The following ELOVL7 variants were observed in gnomAD, a reference collection of about 807,000 sequenced individuals.
ELOVL7 encodes the protein very long chain fatty acid elongase 7.
ELOVL7 carries 27 observed loss-of-function variants against 35.7 expected under a neutral mutation model. That is an observed-to-expected ratio of 0.76 (90% CI 0.56 to 1.04). ELOVL7 has a LOEUF of 1.04. Among genes scored for constraint, ELOVL7 ranks in the 50% least tolerant of loss-of-function variants. The probability of loss-of-function intolerance (pLI) is 0.00; values close to 1 mark genes in which losing one functional copy is unlikely to be tolerated. For synonymous variants in ELOVL7, 113 were observed against 114.6 expected, an observed-to-expected ratio of 0.99 and a Z score of 0.09; for missense variants, 327 against 340.8, an observed-to-expected ratio of 0.96 and a Z score of 0.32.
chr5:60,763,703 A>T (rs1472901875), intron 7 of ELOVL7, among the ~76,000 whole-genome samples: 1 of 152,176 alleles, frequency 6.6e-6, no homozygotes, highest in African/African-American at 2.4e-5. Flanking sequence ...CAGTATCAAC[A>T]CATTCTTTAA....
At chr5:60,832,528 G>T (rs753540350) in intron 1 of ELOVL7, among the ~76,000 whole-genome samples, 2 of 152,144 alleles carry the variant, frequency 1.3e-5, no homozygotes, top group Non-Finnish European at 2.9e-5. Context: ...ACCACACCTA[G>T]CTAATTTTTG....
Position 60,807,992 on chromosome 5 carries a change from CAAAAAAAAAAA to C in ELOVL7, c.-85-8773_-85-8763del, listed in dbSNP as rs34086506. 3.1e-4 allele frequency among the ~76,000 whole-genome samples: 13 copies of C among 42,412 alleles called. No individual in the cohort carries two copies. In the Admixed American group the frequency reaches 4.8e-3, roughly 16 times the overall value. 27.8% of individuals were successfully genotyped at this position (42,412 alleles called of 152,430 possible). On this transcript the variant is annotated intron_variant, in intron 1 of 8. Transcript: ENST00000508821. The stretch of plus-strand genomic sequence containing the variant: ...CCAGCCTGGGCGTGAGACTCCGTCT[CAAAAAAAAAAA>C]AAAAAAAAAAAAAAAAAAGAATAAA...
intron 7 of ELOVL7, among the ~76,000 whole-genome samples, chr5:60,760,443 A>C (rs1219478579): frequency 2.0e-5 from 3 of 152,162 alleles, no homozygotes; most frequent in Non-Finnish European, 4.4e-5. Flanking sequence ...TCTTCTTTTG[A>C]GAAGTGTCTG....
chr5:60,835,497 G>A (rs1039312683), intron 1 of ELOVL7, among the ~76,000 whole-genome samples: 2 of 151,698 alleles, frequency 1.3e-5, no homozygotes, highest in African/African-American at 2.4e-5. Context: ...CTACAGCCTC[G>A]ACCTCCTGGA....
chr5:60,766,539 C>G, intron 6 of ELOVL7, 35 bp downstream of exon 6: 1 of 1,532,946 alleles, frequency 6.5e-7, no homozygotes, highest in South Asian at 1.2e-5. Context: ...CATTTAAGAT[C>G]AAACATTTAC....
chr5:60,838,054 G>A (rs746335751), intron 1 of ELOVL7, among the ~76,000 whole-genome samples: 4 of 152,176 alleles, frequency 2.6e-5, no homozygotes, highest in African/African-American at 4.8e-5. Context: ...AATGGCAAGC[G>A]CCAGAGAGAT....
intron 2 of ELOVL7, among the ~76,000 whole-genome samples, chr5:60,798,511 C>A (rs1744400423): frequency 6.6e-6 from 1 of 152,020 alleles, no homozygotes; most frequent in African/African-American, 2.4e-5. Context: ...AGTTTTCTAC[C>A]ACCTCAAGGA....
At chr5:60,792,872 CA>C (rs1394315013) in intron 2 of ELOVL7, among the ~76,000 whole-genome samples, 1 of 152,156 alleles carries the variant, frequency 6.6e-6, no homozygotes. Flanking sequence ...GACTATTGAG[CA>C]CAAGAGAACT....
chr5:60,829,648 A>G (rs1746369848), intron 1 of ELOVL7, among the ~76,000 whole-genome samples: 1 of 152,208 alleles, frequency 6.6e-6, no homozygotes, highest in Non-Finnish European at 1.5e-5. Flanking sequence ...AGAGAAGAAG[A>G]TAATTCTGGA....
intron 1 of ELOVL7, among the ~76,000 whole-genome samples, chr5:60,809,303 T>C (rs1299756946): frequency 1.3e-5 from 2 of 152,192 alleles, no homozygotes; most frequent in Admixed American, 6.5e-5. Flanking sequence ...ACTAGCTAAA[T>C]TTATAAACTT....
chr5:60,830,678 A>G (rs1349867581), intron 1 of ELOVL7, among the ~76,000 whole-genome samples: 1 of 151,686 alleles, frequency 6.6e-6, no homozygotes, highest in Non-Finnish European at 1.5e-5. Flanking sequence ...AATACAAATA[A>G]CTTAAAATTT....
chr5:60,757,381 G>T, intron 8 of ELOVL7, 128 bp downstream of exon 8: 1 of 836,934 alleles, frequency 1.2e-6, no homozygotes, highest in African/African-American at 1.7e-5. Flanking sequence ...GGCATATCAT[G>T]TAGGGGCCAG....
intron 3 of ELOVL7, among the ~76,000 whole-genome samples, chr5:60,784,882 G>A (rs992471323): frequency 6.6e-6 from 1 of 152,146 alleles, no homozygotes; most frequent in Non-Finnish European, 1.5e-5. Context: ...CAATTTTTAA[G>A]TATATGCTAT....
intron 3 of ELOVL7, among the ~76,000 whole-genome samples, chr5:60,774,425 A>G (rs975491879): frequency 1.3e-5 from 2 of 152,244 alleles, no homozygotes; most frequent in African/African-American, 4.8e-5. Context: ...AGATGCAGAA[A>G]AAGTTTTCAA....
chr5:60,793,308 C>CA (rs1174605175), intron 2 of ELOVL7, among the ~76,000 whole-genome samples: 2 of 152,062 alleles, frequency 1.3e-5, no homozygotes, highest in African/African-American at 2.4e-5. Flanking sequence ...AATACTGCTA[C>CA]AGTTTTTTTT....
At chr5:60,800,183 AG>A (rs1354060974) in intron 1 of ELOVL7, among the ~76,000 whole-genome samples, 1 of 152,200 alleles carries the variant, frequency 6.6e-6, no homozygotes, top group East Asian at 1.9e-4. Context: ...CTACAAAAAA[AG>A]AAAACTTCAG....
intron 3 of ELOVL7, among the ~76,000 whole-genome samples, chr5:60,784,548 C>T (rs1334149412): frequency 6.6e-6 from 1 of 152,144 alleles, no homozygotes; most frequent in Non-Finnish European, 1.5e-5. Context: ...CTATGCATGA[C>T]CACTACTTCT....
At chr5:60,785,188 A>G (rs1378147402) in intron 3 of ELOVL7, among the ~76,000 whole-genome samples, 1 of 152,068 alleles carries the variant, frequency 6.6e-6, no homozygotes, top group East Asian at 1.9e-4. Context: ...AACTTCAAAT[A>G]CAAGTATTCC....
At chr5:60,766,444 A>G (rs1335865210) in intron 6 of ELOVL7, 130 bp downstream of exon 6, 1 of 699,580 alleles carries the variant, frequency 1.4e-6, no homozygotes, top group East Asian at 2.6e-5. Flanking sequence ...GTCTGCCTGA[A>G]TAGGAGAAAT....
Sources: gnomAD v4.1 joint callset for allele counts (sites outside exome capture counted in the v4.1 genomes callset) on GRCh38, gnomAD v4.1.1 for gene constraint, MANE v1.5 for transcripts, NCBI Gene and HGNC (gene_info 2026-07-23, HGNC 2026-07-21) for gene names.